PFKFB3: variants seen among roughly 807,000 people sequenced by gnomAD.
PFKFB3 encodes the protein 6-phosphofructo-2-kinase/fructose-2,6-bisphosphatase 3.
A neutral mutation model predicts 68.0 loss-of-function variants in PFKFB3; 33 were observed. The ratio of observed to expected loss-of-function variants is 0.49; its 90% confidence interval spans 0.37 to 0.65. The LOEUF is 0.65. Among genes scored for constraint, PFKFB3 ranks in the 30% least tolerant of loss-of-function variants. The pLI, the probability that PFKFB3 is intolerant of heterozygous loss-of-function variation, is 0.00. For missense variants in PFKFB3, 586 were observed against 712.2 expected (o/e 0.82, Z 2.02); for synonymous variants, 315 against 288.2 (o/e 1.09, Z -0.94).
chr10:6,278,115 G>A, the PFKFB3 span, among the ~76,000 whole-genome samples: 2 of 150,702 alleles, frequency 1.3e-5, no homozygotes, highest in East Asian at 2.0e-4. Flanking sequence ...ACGGGGTTTC[G>A]CCATGTTTGC....
chr10:6,227,177 A>C (rs1012507672), intron 14 of PFKFB3, among the ~76,000 whole-genome samples: 1 of 152,092 alleles, frequency 6.6e-6, no homozygotes, highest in Admixed American at 6.5e-5. Context: ...GTCAGACATT[A>C]AGATTTGTTT....
the PFKFB3 span, among the ~76,000 whole-genome samples, chr10:6,321,657 C>T: frequency 6.6e-6 from 1 of 152,148 alleles, no homozygotes; most frequent in African/African-American, 2.4e-5. Flanking sequence ...ACTCACCCAG[C>T]AAAAATCACT....
At chr10:6,158,522 T>C (rs1841874855) in intron 1 of PFKFB3, among the ~76,000 whole-genome samples, 1 of 152,162 alleles carries the variant, frequency 6.6e-6, no homozygotes, top group African/African-American at 2.4e-5. Context: ...CGATAAGTGG[T>C]ACAAATGCCT....
chr10:6,317,771 AT>A, the PFKFB3 span, among the ~76,000 whole-genome samples: 1 of 152,186 alleles, frequency 6.6e-6, no homozygotes, highest in Non-Finnish European at 1.5e-5. Flanking sequence ...ATGGGTTACA[AT>A]TTGGAGACAG....
intron 1 of PFKFB3, among the ~76,000 whole-genome samples, chr10:6,160,061 C>T (rs77585194): frequency 0.012 from 1,693 of 143,826 alleles, 68 homozygotes; most frequent in East Asian, 0.1. Context: ...GCCCGGCCTA[C>T]GATACTTTTT....
Position 6,215,309 on chromosome 10 carries a change from A to G in PFKFB3, c.291A>G (p.Lys97=). The change falls in exon 3 of 15, where the codon AAA becomes AAG. Residue 97 remains lysine, a synonymous_variant. Transcript: ENST00000379775. This position sits in a 1 kb window ranked among gnomAD's most constrained non-coding sequence, Gnocchi z 4.3. ...FFRPDNEEAM[K]VRKQCALAAL... is the part of the protein sequence containing the mutation. ...GCCCCGACAATGAGGAAGCCATGAA[A>G]GTCCGGAAGTAAGGCTGGGCCGCGG... 1 of 1,613,482 alleles carries G rather than the reference A, an allele frequency of 6.2e-7. No homozygotes were observed. The highest frequency in any genetic ancestry group is 8.5e-7 in the Non-Finnish European group (1 of 1,179,690).
intron 12 of PFKFB3, 21 bp from the exon 13 acceptor site, chr10:6,224,128 C>T (rs983468629): frequency 6.2e-7 from 1 of 1,613,924 alleles, no homozygotes; most frequent in African/African-American, 1.3e-5. Context: ...GCTTCCTCTG[C>T]CCCCATCCCA....
the PFKFB3 span, among the ~76,000 whole-genome samples, chr10:6,275,622 T>C: frequency 9.9e-5 from 15 of 152,262 alleles, no homozygotes; most frequent in African/African-American, 3.4e-4. The surrounding 1 kb of genome is among the most constrained non-coding windows in gnomAD (Gnocchi z 4.9). Flanking sequence ...TTGGATCTTG[T>C]GGGTTTTTTT....
intron 1 of PFKFB3, among the ~76,000 whole-genome samples, chr10:6,166,821 C>CTTTT (rs144747290): frequency 7.3e-4 from 70 of 95,266 alleles, no homozygotes; most frequent in East Asian, 1.2e-3. Flanking sequence ...CCTTCTTCTT[C>CTTTT]TTTTTTTTTT....
At chr10:6,163,037 C>T (rs1163431979) in intron 1 of PFKFB3, among the ~76,000 whole-genome samples, 2 of 152,154 alleles carry the variant, frequency 1.3e-5, no homozygotes, top group East Asian at 1.9e-4. Flanking sequence ...CTTCCCCCGT[C>T]CCATAATTGT....
chr10:6,179,451 A>G (rs750283598), intron 1 of PFKFB3, among the ~76,000 whole-genome samples: 1 of 152,084 alleles, frequency 6.6e-6, no homozygotes, highest in Non-Finnish European at 1.5e-5. Flanking sequence ...GTGCTGGACA[A>G]CCCCCAGCTG....
intron 1 of PFKFB3, among the ~76,000 whole-genome samples, chr10:6,192,664 C>CGTGTGTGTGTGT (rs34129264): frequency 4.7e-4 from 60 of 128,870 alleles, no homozygotes; most frequent in African/African-American, 1.5e-3. Flanking sequence ...TCCCCTCACC[C>CGTGTGTGTGTGT]GTGTGTGTGT....
chr10:6,167,574 T>C (rs1340532544), intron 1 of PFKFB3, among the ~76,000 whole-genome samples: 1 of 152,220 alleles, frequency 6.6e-6, no homozygotes. Flanking sequence ...AGAGACAATA[T>C]CTTGTTTTTC....
the PFKFB3 span, among the ~76,000 whole-genome samples, chr10:6,292,067 C>T: frequency 1.3e-5 from 2 of 148,920 alleles, no homozygotes; most frequent in Non-Finnish European, 3.0e-5. Flanking sequence ...AATTCTGCTG[C>T]CTCAGCCTCC....
the PFKFB3 span, among the ~76,000 whole-genome samples, chr10:6,299,348 AGGCAG>A: frequency 1.3e-5 from 2 of 152,178 alleles, no homozygotes; most frequent in Non-Finnish European, 2.9e-5. Flanking sequence ...TAGGATTTAC[AGGCAG>A]GGGTGAGTCA....
the PFKFB3 span, chr10:6,326,524 A>G: frequency 8.8e-6 from 4 of 456,176 alleles, no homozygotes; most frequent in South Asian, 6.2e-5. Context: ...AACTGTGCTG[A>G]TAACCCCAAA....
downstream of PFKFB3, among the ~76,000 whole-genome samples, chr10:6,237,130 T>C (rs1327814878): frequency 1.3e-5 from 2 of 152,112 alleles, no homozygotes; most frequent in Non-Finnish European, 2.9e-5. Context: ...CTATCCGGGG[T>C]TCTCCCCGAC....
intron 14 of PFKFB3, among the ~76,000 whole-genome samples, chr10:6,250,376 T>C (rs544929854): frequency 1.3e-4 from 20 of 151,960 alleles, no homozygotes; most frequent in African/African-American, 1.7e-4. Flanking sequence ...CCATCCTGGC[T>C]AACACGGTGA....
chr10:6,263,304 G>A, the PFKFB3 span, among the ~76,000 whole-genome samples: 1 of 152,264 alleles, frequency 6.6e-6, no homozygotes, highest in Admixed American at 6.5e-5. Flanking sequence ...GCTTAAGAAT[G>A]CCTTTAAGCG....
Sources: allele counts gnomAD v4.1 joint callset (sites outside exome capture counted in the v4.1 genomes callset), GRCh38; gene constraint gnomAD v4.1.1; non-coding constraint Gnocchi (gnomAD v3.1); transcripts MANE v1.5; gene names NCBI Gene and HGNC (gene_info 2026-07-23, HGNC 2026-07-21).